The following CEP350 variants were observed in gnomAD, a reference collection of about 807,000 sequenced individuals.
CEP350 encodes the protein centrosome-associated protein 350.
In CEP350, 126 loss-of-function variants were observed where a neutral mutation model predicts 331.8. That is an observed-to-expected ratio of 0.38 (90% CI 0.33 to 0.44). The LOEUF (loss-of-function observed/expected upper bound fraction) is 0.44. CEP350 is among the 20% of genes least tolerant of loss of function. The pLI is 1.00. For missense variants in CEP350, 3,406 were observed against 3,634.6 expected (o/e 0.94, Z 1.62); for synonymous variants, 1,200 against 1,259.5 (o/e 0.95, Z 1.00).
chr1:180,079,913 A>T (rs560135872), intron 29 of CEP350, among the ~76,000 whole-genome samples: 13 of 152,320 alleles, frequency 8.5e-5, no homozygotes, highest in Non-Finnish European at 1.9e-4. Context: ...TTTACGAAGT[A>T]CTTACCAAGT....
intron 19 of CEP350, 77 bp from the exon 20 acceptor site, chr1:180,042,979 A>C: frequency 6.8e-7 from 1 of 1,478,592 alleles, no homozygotes; most frequent in Non-Finnish European, 9.1e-7. Flanking sequence ...CTTTCTTTCC[A>C]AGACACTATG....
rs746615088 is a variant in CEP350, at chr1:180,011,990, T to G, written c.1308T>G (p.Ile436Met). 3.8e-6 allele frequency: 6 copies of G among 1,595,202 alleles called. No homozygotes were observed. The highest frequency in any genetic ancestry group is 5.1e-6 in the Non-Finnish European group (6 of 1,169,738). ...ATGGACAAAAATTAGTAAAGAAGAT[T>G]CTGGGACCTGCTCCCAGAATGGAGC... ...WRDGQKLVKKILGPAPRMEPK... is the reference protein window; with the variant it reads ...WRDGQKLVKKMLGPAPRMEPK... Residue 436 changes from isoleucine (I) to methionine (M), a missense_variant, in exon 9 of 38, where the codon ATT becomes ATG. Ile to Met is a conservative substitution (Grantham distance 10). Coordinates refer to ENST00000367607, the MANE Select transcript of CEP350 (RefSeq NM_014810.5).
chr1:179,997,315 G>A (rs938778190), intron 6 of CEP350, 140 bp downstream of exon 6: 2 of 940,988 alleles, frequency 2.1e-6, no homozygotes, highest in African/African-American at 3.3e-5. Flanking sequence ...GCCGAGGTGG[G>A]CGGATCATGA....
At chr1:180,064,965 T>C (rs1658457502) in intron 26 of CEP350, 150 bp from the exon 27 acceptor site, 4 of 684,374 alleles carry the variant, frequency 5.8e-6, no homozygotes, top group Admixed American at 4.0e-5. Flanking sequence ...CATTTTTAAG[T>C]GTGTGATATA....
At chr1:179,994,574 T>C (rs568859990) in intron 5 of CEP350, among the ~76,000 whole-genome samples, 23 of 151,296 alleles carry the variant, frequency 1.5e-4, no homozygotes, top group African/African-American at 4.9e-4. Context: ...CCACCTCAGC[T>C]TCCCGAGTAG....
At chr1:179,992,265 G>A (rs1333796400) in intron 5 of CEP350, 44 bp downstream of exon 5, 1 of 1,401,320 alleles carries the variant, frequency 7.1e-7, no homozygotes, top group Non-Finnish European at 9.3e-7. Flanking sequence ...GGTTTAGCCT[G>A]TAATATTTAC....
intron 9 of CEP350, among the ~76,000 whole-genome samples, chr1:180,013,011 T>C (rs1360551293): frequency 6.6e-6 from 1 of 152,192 alleles, no homozygotes; most frequent in African/African-American, 2.4e-5. Flanking sequence ...GGCTTCAGAA[T>C]AAGCAAAATA....
intron 8 of CEP350, among the ~76,000 whole-genome samples, chr1:180,006,984 C>T (rs971996372): frequency 6.6e-6 from 1 of 152,130 alleles, no homozygotes; most frequent in Non-Finnish European, 1.5e-5. Context: ...ATGTATGTGT[C>T]ACATTTTCTT....
chr1:180,043,181 T>A lies in CEP350; in HGVS notation c.4488T>A (p.Thr1496=). 13 of 1,612,300 alleles carry A rather than the reference T, an allele frequency of 8.1e-6. No individual in the cohort carries two copies. The highest frequency in any genetic ancestry group is 1.1e-5 in the Non-Finnish European group (13 of 1,179,256). Residue 1496 remains threonine (T), a synonymous_variant, in exon 20 of 38, where the codon ACT becomes ACA. Coordinates refer to ENST00000367607, the MANE Select transcript of CEP350 (RefSeq NM_014810.5). ...TTGTGAAACAGCTGAGGACCAGAAC[T>A]GAAACAGATAGGTTAATATTCATTC... is the stretch of plus-strand genomic sequence containing the variant. ...PDFVKQLRTR[T]ETDRKSPSVS... is the part of the protein sequence containing the mutation.
chr1:179,987,851 A>G (rs750287722), intron 3 of CEP350, among the ~76,000 whole-genome samples: 29 of 152,000 alleles, frequency 1.9e-4, no homozygotes, highest in Non-Finnish European at 4.1e-4. Context: ...GCTTGAGCCC[A>G]GGGAGGTTGA....
At chr1:180,097,902 G>T (rs999877253) in intron 36 of CEP350, among the ~76,000 whole-genome samples, 4 of 152,108 alleles carry the variant, frequency 2.6e-5, no homozygotes, top group African/African-American at 9.7e-5. Flanking sequence ...CCAATTCAGA[G>T]ATTTATTTTA....
chr1:180,044,807 C>T (rs2148932395), intron 21 of CEP350, among the ~76,000 whole-genome samples: 1 of 149,142 alleles, frequency 6.7e-6, no homozygotes, highest in South Asian at 2.1e-4. Flanking sequence ...TGCACATGTA[C>T]CCTAAAACTT....
chr1:180,107,594 G>A (rs1365302744), intron 37 of CEP350, among the ~76,000 whole-genome samples: 8 of 152,192 alleles, frequency 5.3e-5, no homozygotes, highest in Admixed American at 4.6e-4. Flanking sequence ...CTTGAACCCG[G>A]GAGGTGGAGG....
chr1:179,954,941 G>A lies in CEP350; in HGVS notation c.-215G>A. 4.2e-6 allele frequency: 4 copies of A among 949,262 alleles called. No homozygotes were observed. Among genetic ancestry groups the A allele is most frequent in the Non-Finnish European group, 4.3e-6 (3 of 700,582 alleles). 58.8% of individuals were successfully genotyped at this position (949,262 alleles called of 1,614,324 possible). ...GGGGGGTGGCTTGCCCTGAGGGAGGGGAGGCAGCCTTTCCGCCTTGTCTTC... is the reference window on the plus strand; with the variant it reads ...GGGGGGTGGCTTGCCCTGAGGGAGGAGAGGCAGCCTTTCCGCCTTGTCTTC... On this transcript the variant is annotated 5_prime_UTR_variant, in exon 1 of 38. Transcript: ENST00000367607.
chr1:180,073,577 G>A (rs762215098), intron 27 of CEP350, among the ~76,000 whole-genome samples: 1 of 152,106 alleles, frequency 6.6e-6, no homozygotes, highest in Non-Finnish European at 1.5e-5. Context: ...GAGAAGAAAG[G>A]CATGTTTATT....
intron 21 of CEP350, among the ~76,000 whole-genome samples, chr1:180,046,281 C>T (rs555916528): frequency 3.6e-4 from 55 of 152,330 alleles, no homozygotes; most frequent in African/African-American, 1.2e-3. Context: ...TTTCCTATCT[C>T]CGTTCTCTAT....
At chr1:180,090,390 C>G (rs1245939629) in intron 32 of CEP350, among the ~76,000 whole-genome samples, 1 of 150,624 alleles carries the variant, frequency 6.6e-6, no homozygotes, top group Non-Finnish European at 1.5e-5. Flanking sequence ...ACTAAAAATA[C>G]AAAAAATTAG....
intron 11 of CEP350, among the ~76,000 whole-genome samples, chr1:180,018,033 T>TGTCTCCAAAAAAGC (rs1655080229): frequency 1.3e-5 from 2 of 152,140 alleles, no homozygotes; most frequent in Non-Finnish European, 2.9e-5. Flanking sequence ...GGAGACAGGG[T>TGTCTCCAAAAAAGC]CTTGCTTTTT....
chr1:180,077,848 A>G lies in CEP350; in HGVS notation c.5768-615A>G, dbSNP rs546185158. ...TTGTCAAGCTCATTAAAAAATTTAT[A>G]TGAGGCTGGGCATGGTGGCTCACGC... On this transcript the variant is annotated intron_variant, in intron 28 of 37. Coordinates refer to ENST00000367607, the MANE Select transcript of CEP350 (RefSeq NM_014810.5). Among the ~76,000 whole-genome samples, 54 of 151,756 alleles carry G rather than the reference A, an allele frequency of 3.6e-4. 1 individual carries two copies. The highest frequency in any genetic ancestry group is 2.7e-3 in the South Asian group (13 of 4,792).
Sources: gnomAD v4.1 joint callset for allele counts (sites outside exome capture counted in the v4.1 genomes callset) on GRCh38, gnomAD v4.1.1 for gene constraint, MANE v1.5 for transcripts, NCBI Gene and HGNC (gene_info 2026-07-23, HGNC 2026-07-21) for gene names.